The following PFKP variants were observed in gnomAD, a reference collection of about 807,000 sequenced individuals.
PFKP encodes the protein phosphofructokinase, platelet.
A neutral mutation model predicts 94.3 loss-of-function variants in PFKP; 101 were observed. That is an observed-to-expected ratio of 1.07 (90% CI 0.91 to 1.26). The LOEUF is 1.26. Ranked by LOEUF, PFKP falls within the 50% of genes most tolerant of loss-of-function variation. PFKP has a pLI of 0.00. For synonymous variants in PFKP, 573 were observed against 432.6 expected (o/e 1.32, Z -4.03); for missense variants, 1,145 against 1,103.3 (o/e 1.04, Z -0.53).
At chr10:3,067,764 C>T in intron 1 of PFKP, 57 bp downstream of exon 1, 2 of 937,792 alleles carry the variant, frequency 2.1e-6, no homozygotes, top group South Asian at 1.8e-5. Context: ...CTGGGGAGAA[C>T]CGGGCGAAGG....
At chr10:3,129,727 G>A in intron 16 of PFKP, 92 bp from the exon 17 acceptor site, 1 of 1,359,340 alleles carries the variant, frequency 7.4e-7, no homozygotes, top group Admixed American at 1.8e-5. Flanking sequence ...CGCGGTGGGG[G>A]GGCCTTGCTG....
chr10:3,081,298 C>G (rs1455908788), intron 1 of PFKP, among the ~76,000 whole-genome samples: 1 of 152,264 alleles, frequency 6.6e-6, no homozygotes, highest in African/African-American at 2.4e-5. Flanking sequence ...CGGTCACCGT[C>G]CAAGTGCACA....
At chr10:3,132,175 C>T (rs187318869) in intron 17 of PFKP, among the ~76,000 whole-genome samples, 9 of 152,308 alleles carry the variant, frequency 5.9e-5, no homozygotes, top group East Asian at 1.9e-4. Flanking sequence ...GGCTGCTCAC[C>T]GTGCCCTGTC....
intron 7 of PFKP, among the ~76,000 whole-genome samples, chr10:3,105,961 G>T (rs1223759652): frequency 1.3e-5 from 2 of 152,208 alleles, no homozygotes; most frequent in Admixed American, 1.3e-4. Context: ...GCATAGGAAG[G>T]ACGACGGGGA....
chr10:3,104,998 T>G (rs1835393358), intron 5 of PFKP, 117 bp from the exon 6 acceptor site: 8 of 942,212 alleles, frequency 8.5e-6, no homozygotes, highest in Middle Eastern at 4.2e-4. Context: ...CCTGGCTAAC[T>G]CGGCTGTCAA....
At chr10:3,130,642 C>G (rs868674325) in intron 17 of PFKP, among the ~76,000 whole-genome samples, 1 of 152,270 alleles carries the variant, frequency 6.6e-6, no homozygotes, top group Non-Finnish European at 1.5e-5. Context: ...TTACTGCAAC[C>G]TCCAACTCCC....
chr10:3,121,943 T>C (rs1317816638), intron 16 of PFKP, among the ~76,000 whole-genome samples: 1 of 150,426 alleles, frequency 6.6e-6, no homozygotes, highest in Non-Finnish European at 1.5e-5. Context: ...CACCTCAGCC[T>C]CCTGAGTAGC....
At chr10:3,087,983 T>TC (rs1564280042) in intron 2 of PFKP, among the ~76,000 whole-genome samples, 3 of 73,574 alleles carry the variant, frequency 4.1e-5, no homozygotes, top group Non-Finnish European at 8.3e-5. Context: ...TATCTTTCAT[T>TC]CTTTTTTTTT....
chr10:3,072,694 A>G (rs1239028746), intron 1 of PFKP, among the ~76,000 whole-genome samples: 1 of 152,000 alleles, frequency 6.6e-6, no homozygotes, highest in Non-Finnish European at 1.5e-5. Context: ...CCTTGGTTAC[A>G]GAAAGCTAAA....
At chr10:3,125,006 C>CTCCCGTCCCT (rs1350410664) in intron 16 of PFKP, 3 of 1,049,574 alleles carry the variant, frequency 2.9e-6, no homozygotes, top group Non-Finnish European at 3.6e-6. Context: ...ACTCAGTCCC[C>CTCCCGTCCCT]TCCCGTCCCT....
chr10:3,078,219 A>C (rs1443605500), intron 1 of PFKP, among the ~76,000 whole-genome samples: 1 of 152,206 alleles, frequency 6.6e-6, no homozygotes, highest in Non-Finnish European at 1.5e-5. Flanking sequence ...CCAAAAGCCC[A>C]CGTTGCGGGC....
intron 16 of PFKP, chr10:3,129,338 T>G (rs1217539834): frequency 6.5e-6 from 1 of 153,340 alleles, no homozygotes; most frequent in East Asian, 1.9e-4. Context: ...TGGCCGCACC[T>G]CTAAAATCAC....
intron 15 of PFKP, among the ~76,000 whole-genome samples, chr10:3,119,611 CAAA>C (rs1475159171): frequency 1.8e-4 from 1 of 5,422 alleles, no homozygotes; most frequent in Non-Finnish European, 6.2e-4. Flanking sequence ...TCTCAAAAAA[CAAA>C]AACAAAAACA....
At chr10:3,080,968 C>T (rs1833023391) in intron 1 of PFKP, among the ~76,000 whole-genome samples, 1 of 152,090 alleles carries the variant, frequency 6.6e-6, no homozygotes, top group Non-Finnish European at 1.5e-5. Context: ...GGTGAGATGA[C>T]CTGCATTTTG....
At chr10:3,108,098 A>C in intron 8 of PFKP, 1 of 1,025,654 alleles carries the variant, frequency 9.7e-7, no homozygotes, top group Non-Finnish European at 1.3e-6. Context: ...TCATCCATAA[A>C]GTCCAGGCAA....
At chr10:3,130,676 T>C (rs1443213556) in intron 17 of PFKP, among the ~76,000 whole-genome samples, 10 of 152,110 alleles carry the variant, frequency 6.6e-5, no homozygotes, top group Admixed American at 6.5e-4. Flanking sequence ...TCACCTGCCT[T>C]AGCCTCCCAA....
Position 3,113,842 on chromosome 10 carries a change from C to T in PFKP, c.1371+324C>T, listed in dbSNP as rs181449862. Among the ~76,000 whole-genome samples the T allele has an allele frequency of 1.5e-3, 232 of 151,990 alleles. 2 individuals carry two copies. Among genetic ancestry groups the T allele is most frequent in the African/African-American group, 4.8e-3 (197 of 41,326 alleles). The stretch of plus-strand genomic sequence containing the variant: ...TCTCGGAGGCTGTGGTTTGTTTAAA[C>T]CGGGCACTGGAGGGAAAGCAGGCAG... On this transcript the variant is annotated intron_variant, in intron 13 of 21. Coordinates refer to ENST00000381125, the MANE Select transcript of PFKP (RefSeq NM_002627.5).
chr10:3,110,759 T>C (rs1420848342), intron 10 of PFKP, among the ~76,000 whole-genome samples: 1 of 152,210 alleles, frequency 6.6e-6, no homozygotes, highest in East Asian at 1.9e-4. Context: ...TGTATATGCA[T>C]ATACATGCAG....
chr10:3,113,024 T>C lies in PFKP; in HGVS notation c.1155-95T>C, dbSNP rs571479527. 231 of 1,078,452 alleles carry C rather than the reference T, an allele frequency of 2.1e-4. 5 individuals are homozygous for C. The South Asian group carries it at 2.6e-3, about 12-fold the overall frequency. The allele number at this position is 1,078,452 out of a possible 1,614,324, so 66.8% of individuals were successfully genotyped here. A position where few individuals can be genotyped will look rare whatever the true frequency, so the allele number is the denominator to read the frequency against. ...CTGCCCAGATAGTCGGGCAGACACA[T>C]TGAGTGCTGGCAGATAAGCCACCTT... On this transcript the variant is annotated intron_variant, in intron 11 of 21. Transcript: ENST00000381125.
Sources: allele counts gnomAD v4.1 joint callset (sites outside exome capture counted in the v4.1 genomes callset), GRCh38; gene constraint gnomAD v4.1.1; transcripts MANE v1.5; gene names NCBI Gene and HGNC (gene_info 2026-07-23, HGNC 2026-07-21).